Variants in ATG10 observed in about 807,000 individuals in gnomAD.
ATG10 encodes autophagy related 10, also known as ubiquitin-like-conjugating enzyme ATG10.
ATG10 carries 30 observed loss-of-function variants against 32.1 expected under a neutral mutation model. That is an observed-to-expected ratio of 0.94 (90% CI 0.70 to 1.27). ATG10 has a LOEUF of 1.27. ATG10 is among the 50% of genes most tolerant of loss of function. The probability of loss-of-function intolerance (pLI) is 0.00; values close to 1 mark genes in which losing one functional copy is unlikely to be tolerated. For missense variants in ATG10, 233 were observed against 262.3 expected (o/e 0.89, Z 0.77); for synonymous variants, 87 against 91.5 (o/e 0.95, Z 0.28).
chr5:82,024,551 A>G (rs1386739809), intron 2 of ATG10, among the ~76,000 whole-genome samples: 1 of 152,208 alleles, frequency 6.6e-6, no homozygotes, highest in Non-Finnish European at 1.5e-5. Context: ...AAATATGTCT[A>G]TGACAGATTG....
chr5:82,047,655 G>A (rs78451653), intron 2 of ATG10, among the ~76,000 whole-genome samples: 29 of 152,044 alleles, frequency 1.9e-4, no homozygotes, highest in African/African-American at 6.0e-4. Flanking sequence ...CTTATTCCTC[G>A]GGGCCTCTGT....
At chr5:82,244,845 A>T (rs1040712195) in intron 5 of ATG10, among the ~76,000 whole-genome samples, 1 of 152,218 alleles carries the variant, frequency 6.6e-6, no homozygotes, top group African/African-American at 2.4e-5. Flanking sequence ...ATTAAATTTC[A>T]TGAGGAAATA....
At chr5:81,983,431 C>CCCGGACGGGGTGGCTGG (rs1761131046) in intron 1 of ATG10, among the ~76,000 whole-genome samples, 2 of 144,618 alleles carry the variant, frequency 1.4e-5, no homozygotes, top group African/African-American at 5.1e-5. Context: ...CCACCTCCCT[C>CCCGGACGGGGTGGCTGG]CCGGACGGGG....
At chr5:82,122,064 T>C (rs1453392128) in intron 3 of ATG10, among the ~76,000 whole-genome samples, 5 of 151,738 alleles carry the variant, frequency 3.3e-5, no homozygotes, top group African/African-American at 1.2e-4. Context: ...GTAGGAATGG[T>C]ACCACATCTT....
At chr5:82,190,020 T>C (rs1441763644) in intron 5 of ATG10, among the ~76,000 whole-genome samples, 1 of 152,194 alleles carries the variant, frequency 6.6e-6, no homozygotes, top group Non-Finnish European at 1.5e-5. Flanking sequence ...ATTTCACTTA[T>C]TTACTTTGCC....
intron 3 of ATG10, among the ~76,000 whole-genome samples, chr5:82,063,340 A>C (rs569754972): frequency 2.0e-5 from 3 of 152,256 alleles, no homozygotes; most frequent in South Asian, 2.1e-4. Flanking sequence ...AAACAAAAAA[A>C]CCAAAAACAA....
In ATG10 at chr5:81,987,583, G is replaced by A. The variant is rs535932850; in HGVS notation, c.13G>A (p.Glu5Lys). Reference sequence around the variant, plus strand: ...GTTATCATTTAACATGGAAGAAGATGAGTTCATTGGAGAAAAAACATTCCA... The same window carrying A: ...GTTATCATTTAACATGGAAGAAGATAAGTTCATTGGAGAAAAAACATTCCA... MEED[E>K]FIGEKTFQRY... Residue 5 changes from glutamate to lysine, a missense_variant, in exon 2 of 8, where the codon GAG (glutamate) becomes AAG (lysine). Transcript: ENST00000282185. The A allele has an allele frequency of 6.2e-7, 1 of 1,607,584 alleles. No individual in the cohort carries two copies. Among genetic ancestry groups the A allele is most frequent in the Non-Finnish European group, 8.5e-7 (1 of 1,176,550 alleles).
At chr5:82,068,814 T>A (rs1275526636) in intron 3 of ATG10, among the ~76,000 whole-genome samples, 4 of 149,726 alleles carry the variant, frequency 2.7e-5, no homozygotes, top group Non-Finnish European at 5.9e-5. Flanking sequence ...AAACTTTAGG[T>A]GGCTCTTTTT....
At chr5:82,230,462 G>A (rs376713541) in intron 5 of ATG10, among the ~76,000 whole-genome samples, 12 of 151,896 alleles carry the variant, frequency 7.9e-5, no homozygotes, top group South Asian at 2.1e-4. Context: ...GGCTGGGCAC[G>A]GTGGCTCACG....
At position 82,139,370 on chromosome 5, in the gene ATG10, C is replaced by T. The variant is rs1482588796; in HGVS notation, c.217-25029C>T. Among the ~76,000 whole-genome samples the T allele has an allele frequency of 4.7e-5, 7 of 149,770 alleles. No homozygotes were observed. The South Asian group carries it at 6.5e-4, about 14-fold the overall frequency. ...CTGGAAAGTGAGGAGCGTCTCCGCCCGGCCCCCATCCCATCTAGGAAGTGA... is the reference window on the plus strand; with the variant it reads ...CTGGAAAGTGAGGAGCGTCTCCGCCTGGCCCCCATCCCATCTAGGAAGTGA... On this transcript the variant is annotated intron_variant, in intron 3 of 7. Coordinates refer to ENST00000282185, the MANE Select transcript of ATG10 (RefSeq NM_031482.5).
chr5:82,197,081 T>C (rs1744879221), intron 5 of ATG10, among the ~76,000 whole-genome samples: 1 of 152,224 alleles, frequency 6.6e-6, no homozygotes, highest in Non-Finnish European at 1.5e-5. Context: ...CACTGTTGTA[T>C]AGATTTTCAG....
chr5:82,088,229 T>G (rs989461783), intron 3 of ATG10, among the ~76,000 whole-genome samples: 1 of 152,160 alleles, frequency 6.6e-6, no homozygotes, highest in Non-Finnish European at 1.5e-5. Flanking sequence ...AGAATCAGTT[T>G]CTATTGCTTA....
At chr5:82,037,446 A>T (rs1214143732) in intron 2 of ATG10, among the ~76,000 whole-genome samples, 1 of 148,970 alleles carries the variant, frequency 6.7e-6, no homozygotes. Flanking sequence ...ACGGGGTTTC[A>T]CCGTTTTAGC....
At chr5:82,227,739 G>A (rs1434368460) in intron 5 of ATG10, among the ~76,000 whole-genome samples, 1 of 152,196 alleles carries the variant, frequency 6.6e-6, no homozygotes, top group Non-Finnish European at 1.5e-5. Context: ...TGTTGTGTCA[G>A]AGGTCTGTGC....
chr5:82,020,322 A>G (rs1762401590), intron 2 of ATG10, among the ~76,000 whole-genome samples: 2 of 152,362 alleles, frequency 1.3e-5, no homozygotes, highest in South Asian at 4.1e-4. Flanking sequence ...TTTTGAGACA[A>G]GTCTTCAGAG....
intron 3 of ATG10, among the ~76,000 whole-genome samples, chr5:82,077,380 A>G (rs1290329559): frequency 6.6e-6 from 1 of 152,222 alleles, no homozygotes; most frequent in African/African-American, 2.4e-5. Flanking sequence ...TATAAGATTC[A>G]GTGTTAAAAG....
At chr5:82,119,985 TG>T (rs1765981405) in intron 3 of ATG10, among the ~76,000 whole-genome samples, 2 of 28,712 alleles carry the variant, frequency 7.0e-5, no homozygotes, top group Non-Finnish European at 1.4e-4. Context: ...CACCATTTAT[TG>T]TGTGTGTGTG....
intron 4 of ATG10, among the ~76,000 whole-genome samples, chr5:82,175,886 C>T (rs192265595): frequency 1.1e-3 from 149 of 133,644 alleles, no homozygotes; most frequent in Middle Eastern, 3.8e-3. Context: ...CACACACACA[C>T]GCACACACAC....
At chr5:82,031,483 G>A (rs1177717756) in intron 2 of ATG10, among the ~76,000 whole-genome samples, 1 of 152,190 alleles carries the variant, frequency 6.6e-6, no homozygotes, top group Admixed American at 6.5e-5. Flanking sequence ...AAACACAGTG[G>A]GAATTAAACA....
Sources: gnomAD v4.1 joint callset for allele counts (sites outside exome capture counted in the v4.1 genomes callset) on GRCh38, gnomAD v4.1.1 for gene constraint, MANE v1.5 for transcripts, NCBI Gene and HGNC (gene_info 2026-07-23, HGNC 2026-07-21) for gene names.